Variants in MTCL1 observed in about 807,000 individuals in gnomAD.
MTCL1 encodes microtubule cross-linking factor 1.
Under a neutral mutation model 141.4 loss-of-function variants are expected in MTCL1, and 79 were observed. The ratio of observed to expected loss-of-function variants is 0.56; its 90% CI spans 0.47 to 0.67. The LOEUF (loss-of-function observed/expected upper bound fraction) is 0.67. Among genes scored for constraint, MTCL1 ranks in the 30% least tolerant of loss-of-function variants. MTCL1 has a pLI of 0.00. For missense variants in MTCL1, 2,177 were observed against 2,113.9 expected (o/e 1.03, Z -0.59); for synonymous variants, 914 against 875.8 (o/e 1.04, Z -0.77).
rs777769853 is a variant in MTCL1, at chr18:8,777,899, A to G, written c.417+7A>G. On this transcript the variant is annotated splice_region_variant and intron_variant, in intron 5 of 16. Coordinates refer to ENST00000359865, the Ensembl canonical transcript of MTCL1. The stretch of plus-strand genomic sequence containing the variant: ...GAAGAAAACCTTTAACCAGGTAAGC[A>G]GAGGTTTTCATTCTAATGTTACATC... 6 of 1,612,856 alleles carry G rather than the reference A, an allele frequency of 3.7e-6. No individual in the cohort carries two copies. The East Asian group carries it at 8.9e-5, about 24-fold the overall frequency.
chr18:8,795,313 G>C (rs994793037), intron 8 of MTCL1, among the ~76,000 whole-genome samples: 3 of 152,202 alleles, frequency 2.0e-5, no homozygotes, highest in African/African-American at 7.2e-5. Context: ...ATAAGAGAGA[G>C]TGTTAAGAGA....
chr18:8,747,653 G>A (rs1260467816), intron 4 of MTCL1, among the ~76,000 whole-genome samples: 1 of 152,180 alleles, frequency 6.6e-6, no homozygotes, highest in Non-Finnish European at 1.5e-5. Flanking sequence ...TCCAAATAAG[G>A]CCATATTCCC....
At chr18:8,710,379 A>G (rs1164123081) in intron 1 of MTCL1, among the ~76,000 whole-genome samples, 1 of 151,658 alleles carries the variant, frequency 6.6e-6, no homozygotes, top group Non-Finnish European at 1.5e-5. Flanking sequence ...ACTCAAATAC[A>G]TTTGGAAGTA....
chr18:8,739,246 A>T (rs2096289213), intron 4 of MTCL1, among the ~76,000 whole-genome samples: 1 of 152,074 alleles, frequency 6.6e-6, no homozygotes, highest in Admixed American at 6.6e-5. Context: ...CCCTGTCTCT[A>T]AAAAAATTAA....
intron 4 of MTCL1, among the ~76,000 whole-genome samples, chr18:8,765,257 G>A (rs1390472218): frequency 1.3e-5 from 2 of 152,352 alleles, no homozygotes; most frequent in Non-Finnish European, 2.9e-5. Context: ...CAGCCTGTGA[G>A]CGGGGTGGAG....
intron 11 of MTCL1, among the ~76,000 whole-genome samples, chr18:8,808,468 T>A (rs2076376386): frequency 6.6e-6 from 1 of 152,086 alleles, no homozygotes. Context: ...AGGGAGAGTG[T>A]CCCTAAATAC....
At chr18:8,724,609 G>A (rs2096195526) in intron 4 of MTCL1, among the ~76,000 whole-genome samples, 1 of 152,052 alleles carries the variant, frequency 6.6e-6, no homozygotes, top group Non-Finnish European at 1.5e-5. Context: ...GCTTAAACAG[G>A]CAGACTTGCC....
Position 8,830,605 on chromosome 18 carries a change from C to T in MTCL1, c.*19-1002C>T. The stretch of plus-strand genomic sequence containing the variant: ...GTTGCTTGTCACATCTTTTTAAATC[C>T]TCCAACTCACTTCCTTTCTTTGAGG... On this transcript the variant is annotated intron_variant, in intron 16 of 16. Coordinates refer to ENST00000359865, the Ensembl canonical transcript of MTCL1. This position sits in a 1 kb window ranked among gnomAD's most constrained non-coding sequence, Gnocchi z 6.4. 1 of 985,882 alleles carries T rather than the reference C, an allele frequency of 1.0e-6. No homozygotes were observed. The highest frequency in any genetic ancestry group is 1.2e-6 in the Non-Finnish European group (1 of 830,278). 61.1% of individuals were successfully genotyped at this position (985,882 alleles called of 1,614,324 possible).
At chr18:8,748,605 T>C (rs113207127) in intron 4 of MTCL1, among the ~76,000 whole-genome samples, 153 of 152,230 alleles carry the variant, frequency 1.0e-3, no homozygotes, top group African/African-American at 3.6e-3. Flanking sequence ...TATACACACA[T>C]ATATATATTC....
chr18:8,786,277 G>A (rs1416990398), intron 7 of MTCL1, 186 bp downstream of exon 6: 4 of 747,236 alleles, frequency 5.4e-6, no homozygotes, highest in Non-Finnish European at 9.4e-6. Flanking sequence ...GTGCGCAGGT[G>A]CCTGCGGTGA....
chr18:8,762,737 A>C (rs549044211), intron 4 of MTCL1, among the ~76,000 whole-genome samples: 1 of 152,278 alleles, frequency 6.6e-6, no homozygotes, highest in East Asian at 1.9e-4. Context: ...CACACACAGC[A>C]TGGGATGTGC....
At chr18:8,762,814 C>T (rs1445574707) in intron 4 of MTCL1, among the ~76,000 whole-genome samples, 4 of 152,060 alleles carry the variant, frequency 2.6e-5, no homozygotes, top group African/African-American at 4.8e-5. Context: ...TGAGGCTCTG[C>T]GGGATAGGGC....
chr18:8,784,442 C>T lies in MTCL1; in HGVS notation c.1330C>T (p.Leu444Phe), dbSNP rs1425001030. The T allele has an allele frequency of 1.3e-6, 2 of 1,531,340 alleles. No individual in the cohort carries two copies. Among genetic ancestry groups the T allele is most frequent in the African/African-American group, 1.4e-5 (1 of 72,418 alleles). The allele number at this position is 1,531,340 out of a possible 1,614,324, so 94.9% of individuals were successfully genotyped here. ...GGCCAGCGAGCCATGCCCCACGGAG[C>T]TCCTGAAGGCCCGGGAGGACTCTGA... The change falls in exon 6 of 17, where the codon CTC (leucine) becomes TTC (phenylalanine). Residue 444 changes from leucine to phenylalanine, a missense_variant. Leu to Phe is a conservative substitution (Grantham distance 22, BLOSUM62 0). Transcript: ENST00000359865.
Position 8,812,959 on chromosome 18 carries a change from A to G in MTCL1, c.2605-20A>G. ...AAGACTTGTCAGAGAGGGAATTCCTAAGTCTCTTCTCCTTGACAGCTGGAA... is the reference window on the plus strand; with the variant it reads ...AAGACTTGTCAGAGAGGGAATTCCTGAGTCTCTTCTCCTTGACAGCTGGAA... On this transcript the variant is annotated intron_variant, in intron 11 of 16. Transcript: ENST00000359865. The G allele has an allele frequency of 2.5e-6, 4 of 1,598,156 alleles. No homozygotes were observed. The highest frequency in any genetic ancestry group is 1.3e-5 in the African/African-American group (1 of 74,612).
chr18:8,819,398 T>C (rs944843886), intron 13 of MTCL1, 139 bp downstream of exon 12: 9 of 842,128 alleles, frequency 1.1e-5, no homozygotes, highest in African/African-American at 6.8e-5. Context: ...TGAGTAAAAA[T>C]GAAATCTTCA....
exon 6 of MTCL1, chr18:8,784,774 C>T (rs1366114360): frequency 1.9e-6 from 3 of 1,613,858 alleles, no homozygotes; most frequent in South Asian, 2.2e-5. Flanking sequence ...GCTTCCTCTC[C>T]ACTGTGACTT....
In MTCL1 at chr18:8,830,196, C is replaced by T; in HGVS notation, c.*18+1232C>T. On this transcript the variant is annotated intron_variant, in intron 16 of 16. Coordinates refer to ENST00000359865, the Ensembl canonical transcript of MTCL1. This position sits in a 1 kb window ranked among gnomAD's most constrained non-coding sequence, Gnocchi z 6.4. ...CACAGGAGCACCTTGGGTTAGTCTG[C>T]ATCTTGGTGGCTGGTGGCGCTGGTG... The T allele has an allele frequency of 1.0e-6, 1 of 985,702 alleles. No individual in the cohort carries two copies. Among genetic ancestry groups the T allele is most frequent in the Non-Finnish European group, 1.2e-6 (1 of 830,128 alleles). The allele number at this position is 985,702 out of a possible 1,614,324, so 61.1% of individuals were successfully genotyped here.
chr18:8,816,703 C>A (rs972900603), intron 12 of MTCL1, among the ~76,000 whole-genome samples: 1 of 87,048 alleles, frequency 1.1e-5, no homozygotes. Context: ...AAACTCCATT[C>A]TTTTAAAACC....
intron 4 of MTCL1, among the ~76,000 whole-genome samples, chr18:8,733,842 A>G (rs892486682): frequency 6.6e-6 from 1 of 152,096 alleles, no homozygotes; most frequent in African/African-American, 2.4e-5. Context: ...TTACTTTTCA[A>G]TCTTGAAGTA....
Sources: gnomAD v4.1 joint callset for allele counts (sites outside exome capture counted in the v4.1 genomes callset) on GRCh38, gnomAD v4.1.1 for gene constraint, Gnocchi (gnomAD v3.1) non-coding constraint, MANE v1.5 for transcripts, NCBI Gene and HGNC (gene_info 2026-07-23, HGNC 2026-07-21) for gene names.